Variants in MAN2A1 observed in about 807,000 individuals in gnomAD.
The protein encoded by MAN2A1 is mannosidase alpha class 2A member 1, also known as alpha-mannosidase 2.
In MAN2A1, 76 loss-of-function variants were observed where a neutral mutation model predicts 142.6. That is an observed-to-expected ratio of 0.53 (90% CI 0.44 to 0.65). The LOEUF is 0.65. Ranked by LOEUF, MAN2A1 falls within the 30% of genes least tolerant of loss-of-function variation. The pLI is 0.00. For missense variants in MAN2A1, 1,311 were observed against 1,365.1 expected, an observed-to-expected ratio of 0.96 and a Z score of 0.62; for synonymous variants, 559 against 473.2, an observed-to-expected ratio of 1.18 and a Z score of -2.35.
intron 12 of MAN2A1, among the ~76,000 whole-genome samples, chr5:109,815,658 T>G (rs1580280700): frequency 6.6e-6 from 1 of 152,230 alleles, no homozygotes; most frequent in East Asian, 1.9e-4. Context: ...TTTCTTCATT[T>G]TTCCTGTTGT....
intron 1 of MAN2A1, among the ~76,000 whole-genome samples, chr5:109,707,237 A>T (rs534863279): frequency 6.6e-6 from 1 of 152,126 alleles, no homozygotes; most frequent in African/African-American, 2.4e-5. Context: ...ATTCTTACCT[A>T]CTTTTTGGGA....
chr5:109,713,804 G>C (rs770072906), intron 2 of MAN2A1, 30 bp downstream of exon 2: 30 of 1,490,670 alleles, frequency 2.0e-5, no homozygotes, highest in Non-Finnish European at 2.6e-5. Flanking sequence ...ATAATCACTG[G>C]CCTTTTTTTT....
At position 109,866,617 on chromosome 5, in the gene MAN2A1, T is replaced by C. The variant is rs547917039; in HGVS notation, c.3283-229T>C. On this transcript the variant is annotated intron_variant, in intron 21 of 21. Transcript: ENST00000261483. ...TTCCCTTCCAAGCGTAGTCTGTATG[T>C]TCAAGCATGTATATATGTATATTTA... 5.0e-3 allele frequency among the ~76,000 whole-genome samples: 766 copies of C among 152,308 alleles called. 2 individuals are homozygous for C. Among genetic ancestry groups the C allele is most frequent in the African/African-American group, 0.018 (739 of 41,568 alleles).
intron 1 of MAN2A1, among the ~76,000 whole-genome samples, chr5:109,690,862 CGG>C (rs1438214990): frequency 2.0e-5 from 3 of 152,068 alleles, no homozygotes; most frequent in African/African-American, 7.2e-5. Flanking sequence ...GGCGGGGGAA[CGG>C]GCGCGGCGTG....
intron 1 of MAN2A1, among the ~76,000 whole-genome samples, chr5:109,696,934 G>A (rs1459742413): frequency 2.6e-5 from 4 of 152,134 alleles, no homozygotes; most frequent in African/African-American, 9.7e-5. Context: ...AAAATTTCAA[G>A]GATAGATTAT....
intron 19 of MAN2A1, among the ~76,000 whole-genome samples, chr5:109,851,660 T>C (rs947403834): frequency 2.0e-5 from 3 of 152,138 alleles, no homozygotes; most frequent in African/African-American, 7.2e-5. Context: ...TGTGGTATTC[T>C]GTTATGGCAG....
intron 4 of MAN2A1, among the ~76,000 whole-genome samples, chr5:109,740,100 T>C (rs962332113): frequency 2.0e-5 from 3 of 152,190 alleles, no homozygotes; most frequent in African/African-American, 7.2e-5. Flanking sequence ...TCTTCAGTTC[T>C]GTGTGTTCAA....
rs1009279659 is a variant in MAN2A1 at position 109,867,311 on chromosome 5, C to G, written c.*313C>G. 1 of 181,188 alleles carries G rather than the reference C, an allele frequency of 5.5e-6. No individual in the cohort carries two copies. The highest frequency in any genetic ancestry group is 2.3e-5 in the African/African-American group (1 of 42,672). 11.2% of individuals were successfully genotyped at this position (181,188 alleles called of 1,614,324 possible). On this transcript the variant is annotated 3_prime_UTR_variant, in exon 22 of 22. Coordinates refer to ENST00000261483, the MANE Select transcript of MAN2A1 (RefSeq NM_002372.4). ...AACAGATTGTATCTCAGGTTAAATG[C>G]TAACTAATTATGTCTGTGTTGGGGG...
At chr5:109,832,731 C>CA (rs772345787) in intron 16 of MAN2A1, among the ~76,000 whole-genome samples, 1 of 148,788 alleles carries the variant, frequency 6.7e-6, no homozygotes, top group Non-Finnish European at 1.5e-5. Context: ...GGGGCCCCCC[C>CA]ACTTCCCTCC....
chr5:109,777,011 T>A (rs774704809), intron 8 of MAN2A1, among the ~76,000 whole-genome samples: 1 of 152,172 alleles, frequency 6.6e-6, no homozygotes, highest in Non-Finnish European at 1.5e-5. Context: ...TATTGGGTAT[T>A]TGGGATTGTT....
At chr5:109,802,267 CT>C (rs766049674) in intron 12 of MAN2A1, among the ~76,000 whole-genome samples, 2 of 152,084 alleles carry the variant, frequency 1.3e-5, no homozygotes, top group Non-Finnish European at 2.9e-5. Flanking sequence ...GTTCAGAATT[CT>C]TTTTAATTTT....
chr5:109,804,970 T>G (rs901381439), intron 12 of MAN2A1, among the ~76,000 whole-genome samples: 2 of 152,186 alleles, frequency 1.3e-5, no homozygotes, highest in Non-Finnish European at 2.9e-5. Context: ...AGAAATGAAT[T>G]TTCTTCCAGT....
intron 1 of MAN2A1, among the ~76,000 whole-genome samples, chr5:109,695,066 A>G (rs975093491): frequency 2.0e-5 from 3 of 152,192 alleles, no homozygotes; most frequent in Non-Finnish European, 4.4e-5. Flanking sequence ...CCTTTTGAGG[A>G]TGGTGTCCTC....
chr5:109,735,331 T>G (rs960325148), intron 4 of MAN2A1, among the ~76,000 whole-genome samples: 8 of 152,304 alleles, frequency 5.3e-5, no homozygotes, highest in East Asian at 3.9e-4. Flanking sequence ...TATCCAATTT[T>G]CCAGTCTGTG....
chr5:109,804,894 A>T (rs1394517476), intron 12 of MAN2A1, among the ~76,000 whole-genome samples: 1 of 152,164 alleles, frequency 6.6e-6, no homozygotes, highest in East Asian at 1.9e-4. Flanking sequence ...GGTCCTTTTT[A>T]TTTGTGAAAA....
chr5:109,714,972 C>T (rs1351064257), intron 2 of MAN2A1, among the ~76,000 whole-genome samples: 1 of 148,832 alleles, frequency 6.7e-6, no homozygotes, highest in Non-Finnish European at 1.5e-5. Flanking sequence ...TTGTTGTCAT[C>T]CATGATAAGG....
chr5:109,788,057 A>T (rs1000001277), intron 10 of MAN2A1, among the ~76,000 whole-genome samples: 6 of 151,792 alleles, frequency 4.0e-5, no homozygotes, highest in African/African-American at 1.5e-4. Flanking sequence ...TTGCATGACA[A>T]CAAAAATGTC....
intron 3 of MAN2A1, among the ~76,000 whole-genome samples, chr5:109,723,212 T>A (rs1027693232): frequency 1.2e-4 from 19 of 152,192 alleles, no homozygotes; most frequent in Admixed American, 3.9e-4. Context: ...AGCATCTTCA[T>A]ATGGATTCAA....
rs186143508 is a variant in MAN2A1 at position 109,716,455 on chromosome 5, A to T, written c.535+191A>T. 2.0e-5 allele frequency among the ~76,000 whole-genome samples: 3 copies of T among 152,344 alleles called. No homozygotes were observed. In the East Asian group the frequency reaches 5.8e-4, roughly 29 times the overall value. ...ATTTTATCAGTTTATGTGCCATTCA[A>T]GGATAGTATCTGTGCAGTATGAAAT... On this transcript the variant is annotated intron_variant, in intron 3 of 21. Coordinates refer to ENST00000261483, the MANE Select transcript of MAN2A1 (RefSeq NM_002372.4).
Sources: allele counts gnomAD v4.1 joint callset (sites outside exome capture counted in the v4.1 genomes callset), GRCh38; gene constraint gnomAD v4.1.1; transcripts MANE v1.5; gene names NCBI Gene and HGNC (gene_info 2026-07-23, HGNC 2026-07-21).